Variants in BMERB1 observed in about 807,000 individuals in gnomAD.
BMERB1 encodes bMERB domain containing 1.
A neutral mutation model predicts 23.6 loss-of-function variants in BMERB1; 12 were observed. The observed-to-expected ratio is 0.51, with a 90% CI of 0.33 to 0.82. The LOEUF is 0.82. Ranked by LOEUF, BMERB1 falls within the 40% of genes least tolerant of loss-of-function variation. The probability of loss-of-function intolerance (pLI) is 0.03; values close to 1 mark genes in which losing one functional copy is unlikely to be tolerated. For synonymous variants in BMERB1, 122 were observed against 96.6 expected (o/e 1.26, Z -1.54); for missense variants, 247 against 255.4 (o/e 0.97, Z 0.22).
intron 1 of BMERB1, among the ~76,000 whole-genome samples, chr16:15,453,554 C>A (rs888495590): frequency 2.6e-5 from 4 of 152,092 alleles, no homozygotes; most frequent in Non-Finnish European, 1.5e-5. Context: ...TGCACTCCAG[C>A]CTGGGCAATA....
At chr16:15,437,046 C>G (rs1172896176) in intron 1 of BMERB1, among the ~76,000 whole-genome samples, 2 of 151,976 alleles carry the variant, frequency 1.3e-5, no homozygotes, top group African/African-American at 4.8e-5. Context: ...AGTGGCAGAA[C>G]CAGGATTTGA....
At chr16:15,444,311 A>ATTCACTTGT (rs1417945808) in intron 1 of BMERB1, among the ~76,000 whole-genome samples, 1 of 151,208 alleles carries the variant, frequency 6.6e-6, no homozygotes, top group Non-Finnish European at 1.5e-5. Flanking sequence ...TTTCTTCACT[A>ATTCACTTGT]TTCACTTGTT....
At chr16:15,446,889 G>A (rs1427746034) in intron 1 of BMERB1, among the ~76,000 whole-genome samples, 1 of 152,134 alleles carries the variant, frequency 6.6e-6, no homozygotes, top group Non-Finnish European at 1.5e-5. Context: ...AAATGGAGGA[G>A]GGAGAGCCTT....
chr16:15,579,215 C>T (rs1229688152), intron 3 of BMERB1, among the ~76,000 whole-genome samples: 1 of 152,144 alleles, frequency 6.6e-6, no homozygotes, highest in South Asian at 2.1e-4. Context: ...AGTCACACCA[C>T]GAGCTCCTGA....
intron 1 of BMERB1, among the ~76,000 whole-genome samples, chr16:15,459,276 C>T (rs772245999): frequency 1.3e-5 from 2 of 151,046 alleles, no homozygotes; most frequent in African/African-American, 2.4e-5. Context: ...CCAACCACAT[C>T]AATAATTACA....
chr16:15,581,358 C>T (rs778401935), intron 4 of BMERB1, 27 bp downstream of exon 4: 1 of 1,583,248 alleles, frequency 6.3e-7, no homozygotes, highest in Non-Finnish European at 8.7e-7. Flanking sequence ...TACCCGATCA[C>T]TGGGCTGCAG....
intron 2 of BMERB1, among the ~76,000 whole-genome samples, chr16:15,551,065 A>G (rs8043901): frequency 0.076 from 11,612 of 152,256 alleles, 589 homozygotes; most frequent in East Asian, 0.18. Flanking sequence ...GAGCCAGCTC[A>G]GAATAGAAAC....
At chr16:15,444,150 T>TTTTTTTTTTTTTTTTTTTTTTTTTG (rs59488395) in intron 1 of BMERB1, among the ~76,000 whole-genome samples, 1 of 123,312 alleles carries the variant, frequency 8.1e-6, no homozygotes, top group Non-Finnish European at 1.7e-5. Context: ...TTTTTTTTTT[T>TTTTTTTTTTTTTTTTTTTTTTTTTG]GGCTGTTTCT....
intron 2 of BMERB1, among the ~76,000 whole-genome samples, chr16:15,556,580 A>G (rs531173317): frequency 3.3e-5 from 5 of 151,882 alleles, no homozygotes; most frequent in Admixed American, 3.3e-4. Flanking sequence ...TTATTTATTT[A>G]TTTTTATTTA....
At chr16:15,456,715 CTTAA>C (rs1226701448) in intron 1 of BMERB1, among the ~76,000 whole-genome samples, 26 of 152,030 alleles carry the variant, frequency 1.7e-4, no homozygotes, top group Non-Finnish European at 1.9e-4. Context: ...CTTATTTTTT[CTTAA>C]TTAATTCTTT....
At position 15,434,631 on chromosome 16, in the gene BMERB1, C is replaced by A. The variant is rs768328780; in HGVS notation, c.-23C>A. On this transcript the variant is annotated 5_prime_UTR_variant, in exon 1 of 6. Coordinates refer to ENST00000300006, the MANE Select transcript of BMERB1 (RefSeq NM_033201.3). ...GGGAATGGAGTAAAGGGAGACCCGT[C>A]GACCTGGCCACGGGGATCAGCGATG... 1 of 1,600,524 alleles carries A rather than the reference C, an allele frequency of 6.2e-7. No individual in the cohort carries two copies. Among genetic ancestry groups the A allele is most frequent in the Non-Finnish European group, 8.6e-7 (1 of 1,167,638 alleles).
intron 4 of BMERB1, among the ~76,000 whole-genome samples, chr16:15,582,437 A>T (rs2031037694): frequency 6.6e-6 from 1 of 151,998 alleles, no homozygotes; most frequent in African/African-American, 2.4e-5. Context: ...GAAAACTACA[A>T]CAAATATTAT....
At chr16:15,445,703 G>A (rs2050982913) in intron 1 of BMERB1, among the ~76,000 whole-genome samples, 1 of 152,090 alleles carries the variant, frequency 6.6e-6, no homozygotes, top group Non-Finnish European at 1.5e-5. Context: ...TCACATGGGG[G>A]GAAATGGCTT....
intron 2 of BMERB1, among the ~76,000 whole-genome samples, chr16:15,525,721 AAAAAG>A (rs1359129406): frequency 6.6e-6 from 1 of 152,038 alleles, no homozygotes; most frequent in African/African-American, 2.4e-5. Flanking sequence ...AAAAAAAAGA[AAAAAG>A]AAAAGAATAA....
intron 1 of BMERB1, among the ~76,000 whole-genome samples, chr16:15,453,819 A>G (rs1447872778): frequency 6.6e-6 from 1 of 152,142 alleles, no homozygotes; most frequent in African/African-American, 2.4e-5. Context: ...GGTTGCAATG[A>G]GTCGAGATTT....
intron 1 of BMERB1, among the ~76,000 whole-genome samples, chr16:15,440,967 T>G (rs1376991644): frequency 1.3e-5 from 2 of 152,138 alleles, no homozygotes; most frequent in Non-Finnish European, 2.9e-5. Flanking sequence ...GAGGTGACAT[T>G]TTGCTGTATC....
At chr16:15,545,066 G>A (rs1418546571) in intron 2 of BMERB1, among the ~76,000 whole-genome samples, 3 of 151,922 alleles carry the variant, frequency 2.0e-5, no homozygotes, top group South Asian at 2.1e-4. Context: ...TCTGCCCCCC[G>A]GGTTCAAGCA....
At chr16:15,508,548 A>G (rs1009208740) in intron 1 of BMERB1, among the ~76,000 whole-genome samples, 9 of 152,126 alleles carry the variant, frequency 5.9e-5, no homozygotes, top group South Asian at 4.1e-4. Context: ...AGACTAAATG[A>G]GATGAGATTC....
intron 1 of BMERB1, among the ~76,000 whole-genome samples, chr16:15,498,807 C>A (rs1391754252): frequency 6.6e-6 from 1 of 152,202 alleles, no homozygotes; most frequent in African/African-American, 2.4e-5. Flanking sequence ...TGTCTGAGGA[C>A]ATTTTGGGTT....
Sources: allele counts gnomAD v4.1 joint callset (sites outside exome capture counted in the v4.1 genomes callset), GRCh38; gene constraint gnomAD v4.1.1; transcripts MANE v1.5; gene names NCBI Gene and HGNC (gene_info 2026-07-23, HGNC 2026-07-21).